The following STAG3 variants were observed in gnomAD, a reference collection of about 807,000 sequenced individuals.
STAG3 encodes cohesin subunit SA-3.
STAG3 carries 101 observed loss-of-function variants against 160.7 expected under a neutral mutation model. That is an observed-to-expected ratio of 0.63 (90% confidence interval 0.54 to 0.74). The LOEUF is 0.74. STAG3 is among the 30% of genes least tolerant of loss of function. The pLI, the probability that STAG3 is intolerant of heterozygous loss-of-function variation, is 0.00. For synonymous variants in STAG3, 519 were observed against 585.0 expected (o/e 0.89, Z 1.63); for missense variants, 1,188 against 1,517.4 (o/e 0.78, Z 3.61).
intron 8 of STAG3, among the ~76,000 whole-genome samples, chr7:100,192,827 T>A (rs543316313): frequency 6.6e-6 from 1 of 152,358 alleles, no homozygotes; most frequent in South Asian, 2.1e-4. Context: ...CTGGGCTTAA[T>A]CAGTCCTCCC....
chr7:100,194,084 G>T (rs914822352), intron 8 of STAG3, among the ~76,000 whole-genome samples: 24 of 151,850 alleles, frequency 1.6e-4, no homozygotes, highest in African/African-American at 5.6e-4. Context: ...AGTAGGTGGG[G>T]TTATAGGTGC....
intron 32 of STAG3, 119 bp from the exon 33 acceptor site, chr7:100,213,616 T>A: frequency 6.5e-7 from 1 of 1,538,946 alleles, no homozygotes; most frequent in Non-Finnish European, 8.7e-7. Context: ...GGAGGTGCCA[T>A]AGGGGCCTGC....
intron 2 of STAG3, 175 bp downstream of exon 2, chr7:100,180,847 G>A: frequency 2.0e-6 from 1 of 510,190 alleles, no homozygotes; most frequent in Non-Finnish European, 3.6e-6. Flanking sequence ...GGCGGTCCTA[G>A]ATGTTGTAGA....
chr7:100,185,929 C>G (rs1799969994), intron 4 of STAG3, among the ~76,000 whole-genome samples: 2 of 152,212 alleles, frequency 1.3e-5, no homozygotes, highest in Non-Finnish European at 2.9e-5. Context: ...CTCTGCATTC[C>G]ATGCAGCCAT....
chr7:100,200,997 A>G, intron 19 of STAG3, 28 bp downstream of exon 19: 1 of 1,613,920 alleles, frequency 6.2e-7, no homozygotes, highest in Non-Finnish European at 8.5e-7. Context: ...ACAATGGGAC[A>G]CCCCAAACAA....
At chr7:100,218,504 T>C (rs1802963361), downstream of STAG3, 1 of 249,012 alleles carries the variant, frequency 4.0e-6, no homozygotes, top group Admixed American at 5.7e-5. Flanking sequence ...TTTAAGATTA[T>C]TTTCAATAAG....
intron 29 of STAG3, among the ~76,000 whole-genome samples, chr7:100,208,494 G>C (rs890012385): frequency 1.3e-5 from 2 of 152,196 alleles, no homozygotes; most frequent in Non-Finnish European, 2.9e-5. Flanking sequence ...GCTTTACCAA[G>C]AAGATGGAAT....
intron 27 of STAG3, 42 bp downstream of exon 27, chr7:100,204,817 G>GA (rs747446507): frequency 6.2e-7 from 1 of 1,610,446 alleles, no homozygotes; most frequent in Non-Finnish European, 8.5e-7. Flanking sequence ...GGAGGGCTGG[G>GA]AACGAGGTCT....
intron 10 of STAG3, 82 bp from the exon 11 acceptor site, chr7:100,197,696 G>C (rs1374152291): frequency 1.8e-6 from 2 of 1,088,964 alleles, no homozygotes; most frequent in Non-Finnish European, 2.9e-6. Flanking sequence ...AGGGATCGGA[G>C]AGGGGAGTCT....
In STAG3 at chr7:100,202,497, G is replaced by C. The variant is rs1281200842; in HGVS notation, c.2607G>C (p.Gln869His). Residue 869 changes from glutamine (Q) to histidine (H), a missense_variant, in exon 25 of 34, where the codon CAG becomes CAC. Gln to His is a conservative substitution (Grantham distance 24). This residue lies in a region of STAG3 where 647 missense variants were observed against 717.2 expected (regional missense o/e 0.90). Transcript: ENST00000615138. Reference protein sequence around the residue: ...EDHLQIERLHQRRRLLAGFCK... With the variant: ...EDHLQIERLHHRRRLLAGFCK... ...ATTTACAGATAGAGCGGCTACACCA[G>C]CGGCGCCGCCTCCTAGCCGGGTTCT... 1 of 1,614,208 alleles carries C rather than the reference G, an allele frequency of 6.2e-7. No individual in the cohort carries two copies. The highest frequency in any genetic ancestry group is 1.1e-5 in the South Asian group (1 of 91,086).
chr7:100,202,232 C>G lies in STAG3; in HGVS notation c.2455C>G (p.Arg819Gly), dbSNP rs767710959. ...TAGCCCTCAGATGATTGTTGGGGGC[C>G]GTGATTTCCTTAGGCCACTTGTCTT... Reference protein sequence around the residue: ...IFSPQMIVGGRDFLRPLVFFP... With the variant: ...IFSPQMIVGGGDFLRPLVFFP... Residue 819 changes from arginine to glycine, a missense_variant, in exon 24 of 34, where the codon CGT (arginine) becomes GGT (glycine). Coordinates refer to ENST00000615138, the MANE Select transcript of STAG3 (RefSeq NM_001282717.2). 1.2e-6 allele frequency: 2 copies of G among 1,614,104 alleles called. No individual in the cohort carries two copies. The highest frequency in any genetic ancestry group is 1.7e-6 in the Non-Finnish European group (2 of 1,180,030).
intron 23 of STAG3, 22 bp from the exon 24 acceptor site, chr7:100,202,150 A>G (rs1427660532): frequency 3.1e-6 from 5 of 1,609,478 alleles, no homozygotes; most frequent in Non-Finnish European, 4.2e-6. Context: ...CCTTTTAAAC[A>G]TCCTTTCTTT....
chr7:100,208,200 G>A (rs1801843450), intron 29 of STAG3, among the ~76,000 whole-genome samples: 1 of 152,080 alleles, frequency 6.6e-6, no homozygotes, highest in Admixed American at 6.5e-5. Context: ...AGTGTGAGAT[G>A]AGGTGTGATT....
chr7:100,214,124 C>T lies in STAG3; in HGVS notation c.*109C>T. 3.5e-6 allele frequency: 5 copies of T among 1,449,138 alleles called. No individual in the cohort carries two copies. The highest frequency in any genetic ancestry group is 4.8e-6 in the Non-Finnish European group (5 of 1,044,264). The allele number at this position is 1,449,138 out of a possible 1,614,324, so 89.8% of individuals were successfully genotyped here. A position where few individuals can be genotyped will look rare whatever the true frequency, so the allele number is the denominator to read the frequency against. On this transcript the variant is annotated 3_prime_UTR_variant, in exon 34 of 34. Coordinates refer to ENST00000615138, the MANE Select transcript of STAG3 (RefSeq NM_001282717.2). ...TGAAGCATTCCCCCAGGCTTCAGCCCTGGGCTCTGAGGGGAAAGAGTTGGG... is the reference window on the plus strand; with the variant it reads ...TGAAGCATTCCCCCAGGCTTCAGCCTTGGGCTCTGAGGGGAAAGAGTTGGG...
At chr7:100,202,410 G>A (rs1030296788) in intron 24 of STAG3, 44 bp from the exon 25 acceptor site, 2 of 1,609,838 alleles carry the variant, frequency 1.2e-6, no homozygotes, top group Non-Finnish European at 8.5e-7. Flanking sequence ...TATAGGGCAG[G>A]AAGCTTAAGT....
At position 100,182,736 on chromosome 7, in the gene STAG3, C is replaced by T; in HGVS notation, c.233C>T (p.Pro78Leu). 1 of 1,613,584 alleles carries T rather than the reference C, an allele frequency of 6.2e-7. No homozygotes were observed. Among genetic ancestry groups the T allele is most frequent in the Non-Finnish European group, 8.5e-7 (1 of 1,179,898 alleles). Residue 78 changes from proline to leucine, a missense_variant, in exon 4 of 34, where the codon CCA (proline) becomes CTA (leucine). Physicochemically the swap from Pro to Leu is moderately conservative, Grantham distance 98. This residue lies in a region of STAG3 where 296 missense variants were observed against 404.0 expected (regional missense o/e 0.73). Coordinates refer to ENST00000615138, the MANE Select transcript of STAG3 (RefSeq NM_001282717.2). Reference protein sequence around the residue: ...PPKTTPVAKHPKKGSRVVHRH... With the variant: ...PPKTTPVAKHLKKGSRVVHRH... ...TATACATATTAGGTGGCAAAACATC[C>T]AAAGAAAGGGTCCCGAGTGGTACAT...
At chr7:100,188,076 C>T (rs546867415) in intron 5 of STAG3, among the ~76,000 whole-genome samples, 57 of 152,234 alleles carry the variant, frequency 3.7e-4, no homozygotes, top group Non-Finnish European at 7.8e-4. Flanking sequence ...TTCTTTAGGC[C>T]GTTCTTGTTG....
intron 8 of STAG3, among the ~76,000 whole-genome samples, chr7:100,193,836 T>A (rs1430507101): frequency 6.6e-6 from 1 of 152,212 alleles, no homozygotes; most frequent in Non-Finnish European, 1.5e-5. Flanking sequence ...CATTTTTAAT[T>A]TCTTTCAAGA....
intron 18 of STAG3, 95 bp downstream of exon 18, chr7:100,200,637 G>A: frequency 6.5e-7 from 1 of 1,543,702 alleles, no homozygotes. Flanking sequence ...TTGGGTTCCA[G>A]AAAAATCAGC....
Sources: allele counts gnomAD v4.1 joint callset (sites outside exome capture counted in the v4.1 genomes callset), GRCh38; gene constraint gnomAD v4.1.1; regional missense constraint gnomAD v4.1.1; transcripts MANE v1.5; gene names NCBI Gene and HGNC (gene_info 2026-07-23, HGNC 2026-07-21).